Variants in TMCO5A observed in about 807,000 individuals in gnomAD.
TMCO5A encodes transmembrane and coiled-coil domain-containing protein 5A.
In TMCO5A, 34 loss-of-function variants were observed where a neutral mutation model predicts 42.3. That is an observed-to-expected ratio of 0.80 (90% CI 0.61 to 1.07). The LOEUF is 1.07. TMCO5A is among the 50% of genes least tolerant of loss of function. The probability of loss-of-function intolerance (pLI) is 0.00; values close to 1 mark genes in which losing one functional copy is unlikely to be tolerated. For synonymous variants in TMCO5A, 131 were observed against 115.6 expected (o/e 1.13, Z -0.86); for missense variants, 357 against 327.9 (o/e 1.09, Z -0.69).
At chr15:37,988,382 T>A in the TMCO5A span, among the ~76,000 whole-genome samples, 1 of 152,022 alleles carries the variant, frequency 6.6e-6, no homozygotes, top group African/African-American at 2.4e-5. Flanking sequence ...TCCAGTACTA[T>A]GTTGAATAGA....
chr15:37,956,815 A>C (rs1410039696), intron 11 of TMCO5A: 3 of 152,064 alleles, frequency 2.0e-5, no homozygotes, highest in Non-Finnish European at 4.4e-5. Flanking sequence ...CAGTATCCCT[A>C]ATGAACATCG....
chr15:37,938,830 C>T (rs1194772301), intron 6 of TMCO5A, among the ~76,000 whole-genome samples: 1 of 152,022 alleles, frequency 6.6e-6, no homozygotes, highest in Non-Finnish European at 1.5e-5. Flanking sequence ...TCATACTCTG[C>T]TTGGCATGTC....
chr15:37,942,843 A>T (rs528817058), intron 9 of TMCO5A: 1 of 153,918 alleles, frequency 6.5e-6, no homozygotes, highest in East Asian at 1.9e-4. Flanking sequence ...CCTCATCTCC[A>T]TTTCTTGACC....
the TMCO5A span, among the ~76,000 whole-genome samples, chr15:37,985,259 G>T: frequency 1.3e-5 from 2 of 152,148 alleles, no homozygotes; most frequent in African/African-American, 4.8e-5. Context: ...CATGTGGAAG[G>T]TTATAGAATT....
chr15:37,979,820 C>G, the TMCO5A span, among the ~76,000 whole-genome samples: 1 of 152,112 alleles, frequency 6.6e-6, no homozygotes, highest in Non-Finnish European at 1.5e-5. Flanking sequence ...TACCAGCACC[C>G]CAGGAGGGGT....
the TMCO5A span, among the ~76,000 whole-genome samples, chr15:37,997,267 C>T: frequency 2.0e-5 from 3 of 152,130 alleles, no homozygotes; most frequent in Admixed American, 2.0e-4. Context: ...CAGCTCACAC[C>T]GTGTCTTTTG....
At chr15:38,040,799 G>A in the TMCO5A span, 12 of 152,294 alleles carry the variant, frequency 7.9e-5, no homozygotes, top group African/African-American at 2.9e-4. Flanking sequence ...TGTGGGAAGG[G>A]AAAAGTGGGG....
At chr15:38,026,640 C>T in the TMCO5A span, among the ~76,000 whole-genome samples, 2 of 152,224 alleles carry the variant, frequency 1.3e-5, no homozygotes, top group African/African-American at 4.8e-5. Flanking sequence ...ATGTTCATCC[C>T]CAAGACAATG....
the TMCO5A span, among the ~76,000 whole-genome samples, chr15:38,009,609 A>G: frequency 2.0e-5 from 3 of 152,336 alleles, no homozygotes; most frequent in African/African-American, 7.2e-5. Flanking sequence ...ATCCAGGAAA[A>G]TAGATATGCC....
the TMCO5A span, among the ~76,000 whole-genome samples, chr15:37,974,106 T>A: frequency 0.24 from 36,962 of 152,138 alleles, 10,140 homozygotes; most frequent in African/African-American, 0.68. Context: ...TCCCAGAGAT[T>A]AATCCTACTT....
the TMCO5A span, among the ~76,000 whole-genome samples, chr15:38,004,289 A>G: frequency 1.3e-5 from 2 of 151,890 alleles, no homozygotes; most frequent in Non-Finnish European, 2.9e-5. Flanking sequence ...GTTCCAAGAC[A>G]AAGTCCTCTT....
the TMCO5A span, among the ~76,000 whole-genome samples, chr15:37,974,225 TTTG>T: frequency 6.6e-6 from 1 of 152,162 alleles, no homozygotes; most frequent in Non-Finnish European, 1.5e-5. Context: ...AGGCTTTCCT[TTTG>T]TTCTTTCTGT....
At chr15:37,977,206 T>G in the TMCO5A span, among the ~76,000 whole-genome samples, 1 of 152,234 alleles carries the variant, frequency 6.6e-6, no homozygotes, top group African/African-American at 2.4e-5. Flanking sequence ...TTCTGAATTC[T>G]ATGTCTGTCA....
chr15:37,936,530 C>G, intron 3 of TMCO5A, 67 bp downstream of exon 3: 5 of 1,533,408 alleles, frequency 3.3e-6, no homozygotes, highest in Non-Finnish European at 4.4e-6. Context: ...AAAACCAAAA[C>G]TGAATTTTCC....
the TMCO5A span, among the ~76,000 whole-genome samples, chr15:38,007,395 T>C: frequency 6.6e-6 from 1 of 152,224 alleles, no homozygotes; most frequent in Non-Finnish European, 1.5e-5. Context: ...AGAATACTTC[T>C]ACCTGAAATA....
At chr15:37,989,200 T>C in the TMCO5A span, among the ~76,000 whole-genome samples, 5 of 152,064 alleles carry the variant, frequency 3.3e-5, no homozygotes, top group South Asian at 1.0e-3. Flanking sequence ...ATTTTAGTAA[T>C]TTGAGTCTTC....
At chr15:37,966,494 A>C (rs1167776245) in intron 11 of TMCO5A, 4 of 676,670 alleles carry the variant, frequency 5.9e-6, no homozygotes. Context: ...TACCCCATAA[A>C]TATACACACC....
chr15:37,989,011 C>A, the TMCO5A span, among the ~76,000 whole-genome samples: 2 of 151,924 alleles, frequency 1.3e-5, no homozygotes, highest in African/African-American at 4.8e-5. Flanking sequence ...AGCCAGTCTT[C>A]TTACTACTTA....
chr15:37,952,103 A>G (rs1890174503), downstream of TMCO5A, among the ~76,000 whole-genome samples: 1 of 152,104 alleles, frequency 6.6e-6, no homozygotes, highest in African/African-American at 2.4e-5. Flanking sequence ...CAGCTGTCGG[A>G]ATTTAAGTTT....
Sources: gnomAD v4.1 joint callset for allele counts (sites outside exome capture counted in the v4.1 genomes callset) on GRCh38, gnomAD v4.1.1 for gene constraint, MANE v1.5 for transcripts, NCBI Gene and HGNC (gene_info 2026-07-23, HGNC 2026-07-21) for gene names.